The following CHCHD3 variants were observed in gnomAD, a reference collection of about 807,000 sequenced individuals.
CHCHD3 encodes coiled-coil-helix-coiled-coil-helix domain containing 3.
CHCHD3 carries 20 observed loss-of-function variants against 38.2 expected under a neutral mutation model. The observed-to-expected ratio is 0.52, with a 90% CI of 0.37 to 0.76. The LOEUF is 0.76. Among genes scored for constraint, CHCHD3 ranks in the 30% least tolerant of loss-of-function variants. The probability of loss-of-function intolerance (pLI) is 0.00; values close to 1 mark genes in which losing one functional copy is unlikely to be tolerated. For synonymous variants in CHCHD3, 82 were observed against 100.0 expected (o/e 0.82, Z 1.07); for missense variants, 245 against 279.2 (o/e 0.88, Z 0.87).
In CHCHD3 at chr7:132,788,540, A is replaced by G. The variant is rs994690908; in HGVS notation, c.661-2880T>C. Among the ~76,000 whole-genome samples, 1 of 152,192 alleles carries G rather than the reference A, an allele frequency of 6.6e-6. No homozygotes were observed. The highest frequency in any genetic ancestry group is 1.5e-5 in the Non-Finnish European group (1 of 68,026). The stretch of plus-strand genomic sequence containing the variant: ...CACGAGTCTAGAGATTGTTTTTACT[A>G]TTCTCTCTGCAACCTCAACCAAATA... On this transcript the variant is annotated intron_variant, in intron 7 of 7. Transcript: ENST00000262570. The surrounding 1 kb of genome is among the most constrained non-coding windows in gnomAD (Gnocchi z 4.0).
intron 6 of CHCHD3, among the ~76,000 whole-genome samples, chr7:132,819,588 C>T (rs1211189935): frequency 6.6e-6 from 1 of 152,160 alleles, no homozygotes; most frequent in Non-Finnish European, 1.5e-5. Context: ...ACAGCTTGTA[C>T]CTTAAACGGT....
intron 4 of CHCHD3, among the ~76,000 whole-genome samples, chr7:132,922,877 T>C (rs1237265564): frequency 6.6e-6 from 1 of 152,176 alleles, no homozygotes; most frequent in Non-Finnish European, 1.5e-5. Context: ...TGGCCAATAA[T>C]GAGGAAACTT....
intron 2 of CHCHD3, among the ~76,000 whole-genome samples, chr7:133,065,092 T>C (rs1814631055): frequency 6.6e-6 from 1 of 152,182 alleles, no homozygotes; most frequent in African/African-American, 2.4e-5. Flanking sequence ...TCTCCTTATG[T>C]CAGCCTAAGA....
At chr7:133,058,268 G>A (rs1388621851) in intron 2 of CHCHD3, among the ~76,000 whole-genome samples, 1 of 149,932 alleles carries the variant, frequency 6.7e-6, no homozygotes, top group African/African-American at 2.5e-5. Context: ...GAGATGGGGT[G>A]TCACTCTGTC....
chr7:132,810,894 GA>G (rs1807054191), intron 6 of CHCHD3, among the ~76,000 whole-genome samples: 1 of 152,060 alleles, frequency 6.6e-6, no homozygotes. Context: ...AGGGAAACTA[GA>G]ATCACTATAA....
chr7:132,881,758 T>C (rs1809063467), intron 5 of CHCHD3, among the ~76,000 whole-genome samples: 1 of 152,168 alleles, frequency 6.6e-6, no homozygotes, highest in Admixed American at 6.6e-5. Context: ...GGATTCAGCA[T>C]TTTTACACTG....
intron 5 of CHCHD3, among the ~76,000 whole-genome samples, chr7:132,883,256 A>G (rs1809116540): frequency 6.6e-6 from 1 of 152,208 alleles, no homozygotes; most frequent in African/African-American, 2.4e-5. Context: ...ATAGAAGTAA[A>G]ACAATTAGTG....
intron 5 of CHCHD3, among the ~76,000 whole-genome samples, chr7:132,875,605 T>C (rs767610304): frequency 7.2e-5 from 11 of 152,096 alleles, no homozygotes; most frequent in African/African-American, 2.4e-4. Context: ...CATGGGCCCA[T>C]TGCGCCACTG....
At chr7:133,047,087 G>C (rs1044304504) in intron 2 of CHCHD3, among the ~76,000 whole-genome samples, 1 of 152,164 alleles carries the variant, frequency 6.6e-6, no homozygotes, top group Non-Finnish European at 1.5e-5. Flanking sequence ...GAGCTGCTGG[G>C]ATATGCTAAT....
intron 4 of CHCHD3, among the ~76,000 whole-genome samples, chr7:132,938,974 G>A (rs1348662345): frequency 1.3e-5 from 2 of 152,180 alleles, no homozygotes; most frequent in Admixed American, 6.5e-5. Context: ...AACAGTACCT[G>A]CTAAGAAGGT....
intron 5 of CHCHD3, among the ~76,000 whole-genome samples, chr7:132,880,291 T>C (rs776852633): frequency 1.3e-5 from 2 of 152,168 alleles, no homozygotes; most frequent in Admixed American, 6.5e-5. Context: ...ACCTAAACAA[T>C]AGGGCGCACA....
intron 5 of CHCHD3, among the ~76,000 whole-genome samples, chr7:132,864,325 G>A (rs1808562169): frequency 6.6e-6 from 1 of 152,182 alleles, no homozygotes; most frequent in Admixed American, 6.5e-5. Context: ...GCTGATGGGT[G>A]GAGGAGTCAG....
chr7:133,045,639 T>C (rs1335654730), intron 2 of CHCHD3, among the ~76,000 whole-genome samples: 1 of 152,162 alleles, frequency 6.6e-6, no homozygotes, highest in Non-Finnish European at 1.5e-5. Flanking sequence ...TAAATTTTAA[T>C]TTTTACCCTC....
At chr7:132,986,084 C>T (rs1812111311) in intron 3 of CHCHD3, among the ~76,000 whole-genome samples, 1 of 150,150 alleles carries the variant, frequency 6.7e-6, no homozygotes, top group Admixed American at 6.7e-5. Flanking sequence ...CCTTGGGATC[C>T]TGTTGATCTG....
intron 3 of CHCHD3, among the ~76,000 whole-genome samples, chr7:132,995,827 ACT>A (rs892385781): frequency 1.3e-5 from 2 of 152,166 alleles, no homozygotes; most frequent in Non-Finnish European, 2.9e-5. Context: ...TACCATTTAA[ACT>A]AAAAACTATG....
Position 133,035,502 on chromosome 7 carries a change from C to T in CHCHD3, c.170-10875G>A, listed in dbSNP as rs768459274. 6.2e-7 allele frequency: 1 copy of T among 1,613,388 alleles called. No individual in the cohort carries two copies. The highest frequency in any genetic ancestry group is 1.3e-5 in the African/African-American group (1 of 74,908). On this transcript the variant is annotated intron_variant, in intron 2 of 7. Transcript: ENST00000262570. This position sits in a 1 kb window ranked among gnomAD's most constrained non-coding sequence, Gnocchi z 4.7. Reference sequence around the variant, plus strand: ...CGTCTTCAAGTAAGCATCCAGCAGCCCCAGAATTCGCCTCACTTCCTCCTT... The same window carrying T: ...CGTCTTCAAGTAAGCATCCAGCAGCTCCAGAATTCGCCTCACTTCCTCCTT...
intron 1 of CHCHD3, among the ~76,000 whole-genome samples, chr7:133,072,465 C>T (rs1279815932): frequency 6.6e-6 from 1 of 151,966 alleles, no homozygotes; most frequent in Non-Finnish European, 1.5e-5. Flanking sequence ...TGAAGCATAG[C>T]CGGATTAAAT....
At chr7:132,987,790 T>C (rs1812160306) in intron 3 of CHCHD3, among the ~76,000 whole-genome samples, 2 of 152,170 alleles carry the variant, frequency 1.3e-5, no homozygotes, top group Admixed American at 6.5e-5. Context: ...ACAGAAATTA[T>C]AAGGCATTTC....
chr7:132,816,158 A>G (rs954215182), intron 6 of CHCHD3, among the ~76,000 whole-genome samples: 5 of 152,310 alleles, frequency 3.3e-5, no homozygotes, highest in South Asian at 2.1e-4. Context: ...CTCTCTTCCA[A>G]TAAGCACCTT....
Sources: gnomAD v4.1 joint callset for allele counts (sites outside exome capture counted in the v4.1 genomes callset) on GRCh38, gnomAD v4.1.1 for gene constraint, Gnocchi (gnomAD v3.1) non-coding constraint, MANE v1.5 for transcripts, NCBI Gene and HGNC (gene_info 2026-07-23, HGNC 2026-07-21) for gene names.